FAM171A1: variants seen among roughly 807,000 people sequenced by gnomAD.
The protein encoded by FAM171A1 is protein FAM171A1.
FAM171A1 carries 23 observed loss-of-function variants against 74.9 expected under a neutral mutation model. That is an observed-to-expected ratio of 0.31 (90% confidence interval 0.22 to 0.44). FAM171A1 has a LOEUF of 0.44. Ranked by LOEUF, FAM171A1 falls within the 20% of genes least tolerant of loss-of-function variation. FAM171A1 has a pLI of 1.00. For synonymous variants in FAM171A1, 527 were observed against 505.7 expected, an observed-to-expected ratio of 1.04 and a Z score of -0.57; for missense variants, 1,162 against 1,159.2, an observed-to-expected ratio of 1.00 and a Z score of -0.03.
chr10:15,342,833 C>A (rs1298961317), intron 1 of FAM171A1, among the ~76,000 whole-genome samples: 2 of 152,202 alleles, frequency 1.3e-5, no homozygotes, highest in Admixed American at 1.3e-4. Context: ...GATTTTACAA[C>A]GCAGTCAGTG....
At chr10:15,326,723 G>C (rs1426672334) in intron 1 of FAM171A1, among the ~76,000 whole-genome samples, 6 of 151,800 alleles carry the variant, frequency 4.0e-5, no homozygotes, top group Non-Finnish European at 8.8e-5. Flanking sequence ...TGTCCCCCAG[G>C]TTCAAGCGAT....
At position 15,283,962 on chromosome 10, in the gene FAM171A1, T is replaced by C. The variant is rs1835003001; in HGVS notation, c.241A>G (p.Lys81Glu). 6.2e-6 allele frequency: 10 copies of C among 1,614,138 alleles called. No individual in the cohort carries two copies. The highest frequency in any genetic ancestry group is 8.5e-6 in the Non-Finnish European group (10 of 1,180,014). ...GTGACAATCAACTGACTGCCCAGCT[T>C]ATACTGGAACTTGATAAAGGCGACG... is the stretch of plus-strand genomic sequence containing the variant. ...DGVAFIKFQY[K>E]LGSQLIVTAS... is the part of the protein sequence containing the mutation. The change falls in exon 2 of 8, where the codon AAG (lysine) becomes GAG (glutamate). Residue 81 changes from lysine (K) to glutamate (E), a missense_variant. Coordinates refer to ENST00000378116, the MANE Select transcript of FAM171A1 (RefSeq NM_001010924.2).
At chr10:15,360,528 C>A (rs1379257130) in intron 1 of FAM171A1, among the ~76,000 whole-genome samples, 1 of 152,166 alleles carries the variant, frequency 6.6e-6, no homozygotes, top group Non-Finnish European at 1.5e-5. Flanking sequence ...CTGATTAGTT[C>A]AGTTTAGCTA....
chr10:15,224,987 A>C (rs757438862), intron 5 of FAM171A1, among the ~76,000 whole-genome samples: 10 of 152,148 alleles, frequency 6.6e-5, no homozygotes, highest in Non-Finnish European at 1.3e-4. Context: ...GATTCAAATC[A>C]AGCCCAGTGT....
chr10:15,370,676 C>T (rs1836130462), intron 1 of FAM171A1, among the ~76,000 whole-genome samples: 1 of 151,684 alleles, frequency 6.6e-6, no homozygotes, highest in African/African-American at 2.4e-5. Flanking sequence ...CGAGCCCCCG[C>T]CGCAGCGGCG....
At chr10:15,301,988 AAG>A in intron 1 of FAM171A1, among the ~76,000 whole-genome samples, 1 of 101,568 alleles carries the variant, frequency 9.8e-6, no homozygotes, top group Non-Finnish European at 2.7e-5. Context: ...AAGAAGACAT[AAG>A]ACAGTCCCAA....
chr10:15,299,953 C>G (rs1379218068), intron 1 of FAM171A1, among the ~76,000 whole-genome samples: 2 of 133,456 alleles, frequency 1.5e-5, no homozygotes, highest in African/African-American at 5.6e-5. Context: ...CAGAGTGAGA[C>G]TCCATCTCAA....
rs1835790889 is a variant in FAM171A1, at chr10:15,343,758, C to T, written c.97+27198G>A. On this transcript the variant is annotated intron_variant, in intron 1 of 7. Transcript: ENST00000378116. ...CTTGGGCATCCGTCCAGGAGGGGGG[C>T]TGGGAACTGAACCTGGGCCCTCCAG... 2.6e-5 allele frequency among the ~76,000 whole-genome samples: 4 copies of T among 152,028 alleles called. No homozygotes were observed. In the South Asian group the frequency reaches 8.3e-4, roughly 32 times the overall value.
At chr10:15,348,308 T>C (rs566284125) in intron 1 of FAM171A1, among the ~76,000 whole-genome samples, 1 of 151,474 alleles carries the variant, frequency 6.6e-6, no homozygotes, top group African/African-American at 2.4e-5. Flanking sequence ...TAGCCTTTTT[T>C]TTGGTTTAAT....
At chr10:15,356,977 AAAAC>A (rs530824436) in intron 1 of FAM171A1, among the ~76,000 whole-genome samples, 11 of 151,396 alleles carry the variant, frequency 7.3e-5, no homozygotes, top group South Asian at 4.2e-4. Context: ...TCAAAAAACA[AAAAC>A]AAACAAACAA....
intron 1 of FAM171A1, among the ~76,000 whole-genome samples, chr10:15,331,635 A>T (rs1835632080): frequency 6.6e-6 from 1 of 151,414 alleles, no homozygotes; most frequent in Non-Finnish European, 1.5e-5. Context: ...TCCAGCAGCC[A>T]CTCCTTATCC....
At chr10:15,354,003 G>A (rs986004352) in intron 1 of FAM171A1, among the ~76,000 whole-genome samples, 3 of 152,134 alleles carry the variant, frequency 2.0e-5, no homozygotes, top group African/African-American at 4.8e-5. Context: ...ACAATCACAC[G>A]GCAACTCAGA....
At chr10:15,214,843 C>T (rs576694799) in intron 7 of FAM171A1, among the ~76,000 whole-genome samples, 3 of 151,570 alleles carry the variant, frequency 2.0e-5, no homozygotes, top group Admixed American at 6.6e-5. Flanking sequence ...TCACTGCAGG[C>T]TTGACCTCAT....
chr10:15,325,074 C>T (rs987311915), intron 1 of FAM171A1, among the ~76,000 whole-genome samples: 4 of 152,246 alleles, frequency 2.6e-5, no homozygotes, highest in Admixed American at 1.3e-4. Flanking sequence ...ATGAGATGAG[C>T]TCCCCACTCC....
intron 5 of FAM171A1, among the ~76,000 whole-genome samples, chr10:15,223,716 C>G (rs749075211): frequency 9.2e-5 from 14 of 152,042 alleles, no homozygotes; most frequent in Non-Finnish European, 1.8e-4. Context: ...CTGAGCAACA[C>G]AGCAAAACCC....
intron 1 of FAM171A1, among the ~76,000 whole-genome samples, chr10:15,314,297 C>T (rs778399524): frequency 6.6e-6 from 1 of 152,126 alleles, no homozygotes; most frequent in Non-Finnish European, 1.5e-5. Context: ...CTCCATGTGG[C>T]ATGTTTTAGA....
Position 15,323,602 on chromosome 10 carries a change from T to C in FAM171A1, c.98-39497A>G, listed in dbSNP as rs138749675. 3.5e-3 allele frequency among the ~76,000 whole-genome samples: 534 copies of C among 152,286 alleles called. 1 individual carries two copies. The highest frequency in any genetic ancestry group is 9.5e-3 in the African/African-American group (393 of 41,564). The stretch of plus-strand genomic sequence containing the variant: ...GCCAATTTATAATCAGAAATGGACT[T>C]GGTGGGCATATAGAATTAGAAAAAG... On this transcript the variant is annotated intron_variant, in intron 1 of 7. Transcript: ENST00000378116.
At chr10:15,318,199 TGA>T (rs926909344) in intron 1 of FAM171A1, among the ~76,000 whole-genome samples, 4 of 152,166 alleles carry the variant, frequency 2.6e-5, no homozygotes, top group African/African-American at 9.7e-5. Context: ...AGGGGTGTGA[TGA>T]GATACGGTGT....
At chr10:15,323,480 T>TA (rs1276870382) in intron 1 of FAM171A1, among the ~76,000 whole-genome samples, 3 of 151,856 alleles carry the variant, frequency 2.0e-5, no homozygotes, top group African/African-American at 4.8e-5. Context: ...ATAAATAAAA[T>TA]AAAAAAACAA....
Sources: allele counts gnomAD v4.1 joint callset (sites outside exome capture counted in the v4.1 genomes callset), GRCh38; gene constraint gnomAD v4.1.1; transcripts MANE v1.5; gene names NCBI Gene and HGNC (gene_info 2026-07-23, HGNC 2026-07-21).